Variants in YWHAG observed in about 807,000 individuals in gnomAD.
The protein encoded by YWHAG is tyrosine 3-monooxygenase/tryptophan 5-monooxygenase activation protein gamma.
YWHAG carries 1 observed loss-of-function variant against 23.3 expected under a neutral mutation model. The observed-to-expected ratio is 0.04, with a 90% CI of 0.02 to 0.20. YWHAG has a LOEUF of 0.20. YWHAG is among the 10% of genes least tolerant of loss of function. The pLI, the probability that YWHAG is intolerant of heterozygous loss-of-function variation, is 1.00. For missense variants in YWHAG, 151 were observed against 338.6 expected, an observed-to-expected ratio of 0.45 and a Z score of 4.35; for synonymous variants, 160 against 144.0, an observed-to-expected ratio of 1.11 and a Z score of -0.80.
At chr7:76,341,925 T>C (rs1206612767) in intron 1 of YWHAG, among the ~76,000 whole-genome samples, 1 of 152,186 alleles carries the variant, frequency 6.6e-6, no homozygotes, top group Non-Finnish European at 1.5e-5. Flanking sequence ...TGCTGCACTA[T>C]ACGACAGTTT....
rs28800248 is a variant in YWHAG, at chr7:76,341,311, C to T, written c.88-11078G>A. ...CCCAGCTACTCAGGAGGCTGAGACA[C>T]GAGAATCACTTGAACCCAGGAGGCG... On this transcript the variant is annotated intron_variant, in intron 1 of 1. Coordinates refer to ENST00000307630, the MANE Select transcript of YWHAG (RefSeq NM_012479.4). Among the ~76,000 whole-genome samples, 362 of 142,202 alleles carry T rather than the reference C, an allele frequency of 2.5e-3. 4 individuals carry two copies. Among genetic ancestry groups the T allele is most frequent in the South Asian group, 0.016 (72 of 4,578 alleles). 93.3% of individuals were successfully genotyped at this position (142,202 alleles called of 152,430 possible). A position where few individuals can be genotyped will look rare whatever the true frequency, so the allele number is the denominator to read the frequency against.
chr7:76,339,388 T>G (rs1427775817), intron 1 of YWHAG, among the ~76,000 whole-genome samples: 1 of 152,100 alleles, frequency 6.6e-6, no homozygotes, highest in East Asian at 1.9e-4. Context: ...GAGAACTGCT[T>G]GAACCCGGGA....
At position 76,327,246 on chromosome 7, in the gene YWHAG, A is replaced by T. The variant is rs1280847967; in HGVS notation, c.*2331T>A. The T allele has an allele frequency of 6.6e-6, 1 of 152,140 alleles. No individual in the cohort carries two copies. The highest frequency in any genetic ancestry group is 1.5e-5 in the Non-Finnish European group (1 of 68,024). The allele number at this position is 152,140 out of a possible 1,614,324, so 9.4% of individuals were successfully genotyped here. A position where few individuals can be genotyped will look rare whatever the true frequency, so the allele number is the denominator to read the frequency against. On this transcript the variant is annotated 3_prime_UTR_variant, in exon 2 of 2. Transcript: ENST00000307630. ...ATTAAAAAAAAAAAACCTTTAAAAA[A>T]TTTGAAGACTTAATTTTTTTTGTCA... is the stretch of plus-strand genomic sequence containing the variant.
chr7:76,358,569 C>G (rs545045970), intron 1 of YWHAG, among the ~76,000 whole-genome samples, 153 bp downstream of exon 1: 1 of 152,220 alleles, frequency 6.6e-6, no homozygotes, highest in East Asian at 1.9e-4. Flanking sequence ...GGGTTCCCGT[C>G]GCCTCTCGGG....
chr7:76,336,874 A>G (rs1803624043), intron 1 of YWHAG, among the ~76,000 whole-genome samples: 2 of 152,070 alleles, frequency 1.3e-5, no homozygotes, highest in Admixed American at 1.3e-4. Context: ...AGGGCCATGA[A>G]AAAGAGAAAT....
chr7:76,350,408 T>C (rs1299771293), intron 1 of YWHAG, among the ~76,000 whole-genome samples: 1 of 152,214 alleles, frequency 6.6e-6, no homozygotes, highest in Non-Finnish European at 1.5e-5. Flanking sequence ...ATTCCCCTCT[T>C]GGGTCTGTCT....
chr7:76,344,457 T>C (rs981847814), intron 1 of YWHAG, among the ~76,000 whole-genome samples: 2 of 152,148 alleles, frequency 1.3e-5, no homozygotes, highest in African/African-American at 4.8e-5. Flanking sequence ...CCTCATCAAA[T>C]GCCTTGAAAA....
chr7:76,344,187 T>C (rs1803742473), intron 1 of YWHAG, among the ~76,000 whole-genome samples: 1 of 152,188 alleles, frequency 6.6e-6, no homozygotes, highest in South Asian at 2.1e-4. Context: ...ATCGGCTCAC[T>C]GCAGCCTCCA....
intron 1 of YWHAG, among the ~76,000 whole-genome samples, chr7:76,341,221 C>G (rs1803688775): frequency 6.6e-6 from 1 of 151,798 alleles, no homozygotes; most frequent in Admixed American, 6.6e-5. Context: ...GGTGAAACCC[C>G]ATCTCTAACT....
chr7:76,354,370 G>A (rs1415350392), intron 1 of YWHAG, among the ~76,000 whole-genome samples: 1 of 151,956 alleles, frequency 6.6e-6, no homozygotes, highest in African/African-American at 2.4e-5. Context: ...AATTCACTGG[G>A]CGTGGTGGTG....
rs1313967468 is a variant in YWHAG, at chr7:76,330,166, A to G, written c.155T>C (p.Val52Ala). The change falls in exon 2 of 2, where the codon GTT becomes GCT. Residue 52 changes from valine (V) to alanine (A), a missense_variant. Transcript: ENST00000307630. ...CCAGGAAGAGCGGCGTGCCCCCACA[A>G]CGTTCTTGTAGGCCACAGACAGAAG... ...RNLLSVAYKN[V>A]VGARRSSWRV... is the part of the protein sequence containing the mutation. 6.2e-7 allele frequency: 1 copy of G among 1,607,336 alleles called. No individual in the cohort carries two copies. The highest frequency in any genetic ancestry group is 8.5e-7 in the Non-Finnish European group (1 of 1,177,394).
At chr7:76,358,409 G>A (rs1168630933) in intron 1 of YWHAG, among the ~76,000 whole-genome samples, 1 of 152,174 alleles carries the variant, frequency 6.6e-6, no homozygotes, top group African/African-American at 2.4e-5. Context: ...TCCCCGCTCG[G>A]GTCCCCTGCA....
At chr7:76,358,266 G>C in intron 1 of YWHAG, among the ~76,000 whole-genome samples, 1 of 152,200 alleles carries the variant, frequency 6.6e-6, no homozygotes, top group East Asian at 1.9e-4. Context: ...AAAACCGGGA[G>C]ACCTGCTGAG....
intron 1 of YWHAG, among the ~76,000 whole-genome samples, chr7:76,339,392 C>T (rs1447834279): frequency 1.3e-5 from 2 of 152,130 alleles, no homozygotes; most frequent in Non-Finnish European, 2.9e-5. Context: ...ACTGCTTGAA[C>T]CCGGGAGGCA....
At chr7:76,346,193 T>C (rs557864681) in intron 1 of YWHAG, among the ~76,000 whole-genome samples, 2 of 152,320 alleles carry the variant, frequency 1.3e-5, no homozygotes, top group Admixed American at 1.3e-4. Context: ...CTAACCCTGA[T>C]GACCGCTCTT....
chr7:76,358,637 G>GTCAACT lies in YWHAG; in HGVS notation c.87+84_87+85insAGTTGA. On this transcript the variant is annotated intron_variant, in intron 1 of 1. Transcript: ENST00000307630. The stretch of plus-strand genomic sequence containing the variant: ...GGGCGGTCAACCCGCCATCGCGACA[G>GTCAACT]GGCGACGAAGCCCCGGGCCTTCCAC... 2.2e-6 allele frequency: 3 copies of GTCAACT among 1,350,434 alleles called. No homozygotes were observed. The South Asian group carries it at 4.2e-5, about 19-fold the overall frequency. The allele number at this position is 1,350,434 out of a possible 1,614,324, so 83.7% of individuals were successfully genotyped here. A position where few individuals can be genotyped will look rare whatever the true frequency, so the allele number is the denominator to read the frequency against.
At chr7:76,358,112 T>A (rs1324965383) in intron 1 of YWHAG, among the ~76,000 whole-genome samples, 20 of 152,146 alleles carry the variant, frequency 1.3e-4, no homozygotes, top group Non-Finnish European at 1.5e-5. Context: ...AGCCTTTTGT[T>A]AAGAAAAACG....
chr7:76,332,410 C>G (rs963059633), intron 1 of YWHAG, among the ~76,000 whole-genome samples: 3 of 152,216 alleles, frequency 2.0e-5, no homozygotes, highest in African/African-American at 7.2e-5. Flanking sequence ...GCTAAGCAAT[C>G]TTGGGGACAA....
chr7:76,329,027 G>C lies in YWHAG; in HGVS notation c.*550C>G, dbSNP rs1254731999. ...GTGTTAATACTGTCAACTAATCAGAGACTTCGGAAAACTGGCAAGGCCTAA... is the reference window on the plus strand; with the variant it reads ...GTGTTAATACTGTCAACTAATCAGACACTTCGGAAAACTGGCAAGGCCTAA... On this transcript the variant is annotated 3_prime_UTR_variant, in exon 2 of 2. Transcript: ENST00000307630. The surrounding 1 kb of genome is among the most constrained non-coding windows in gnomAD (Gnocchi z 6.1). 1 of 153,386 alleles carries C rather than the reference G, an allele frequency of 6.5e-6. No homozygotes were observed. Among genetic ancestry groups the C allele is most frequent in the East Asian group, 1.9e-4 (1 of 5,200 alleles). The allele number at this position is 153,386 out of a possible 1,614,324, so 9.5% of individuals were successfully genotyped here.
Sources: gnomAD v4.1 joint callset for allele counts (sites outside exome capture counted in the v4.1 genomes callset) on GRCh38, gnomAD v4.1.1 for gene constraint, Gnocchi (gnomAD v3.1) non-coding constraint, MANE v1.5 for transcripts, NCBI Gene and HGNC (gene_info 2026-07-23, HGNC 2026-07-21) for gene names.